Variants in BRF1 observed in about 807,000 individuals in gnomAD.
BRF1 encodes BRF1 general transcription factor IIIB subunit.
Under a neutral mutation model 81.7 loss-of-function variants are expected in BRF1, and 59 were observed. The ratio of observed to expected loss-of-function variants is 0.72; its 90% CI spans 0.59 to 0.90. The LOEUF (loss-of-function observed/expected upper bound fraction) is 0.90. Among genes scored for constraint, BRF1 ranks in the 40% least tolerant of loss-of-function variants. The probability of loss-of-function intolerance (pLI) is 0.00; values close to 1 mark genes in which losing one functional copy is unlikely to be tolerated. For missense variants in BRF1, 1,050 were observed against 936.3 expected (o/e 1.12, Z -1.58); for synonymous variants, 491 against 395.6 (o/e 1.24, Z -2.86).
At chr14:105,312,062 C>T (rs587758794) in intron 1 of BRF1, among the ~76,000 whole-genome samples, 25 of 152,346 alleles carry the variant, frequency 1.6e-4, no homozygotes, top group African/African-American at 5.8e-4. Context: ...GAGGCCCCTC[C>T]CCCACTCCCC....
chr14:105,263,248 A>AT (rs1315920481), intron 3 of BRF1, among the ~76,000 whole-genome samples: 1 of 151,516 alleles, frequency 6.6e-6, no homozygotes, highest in African/African-American at 2.4e-5. Context: ...AAAAAAAAAA[A>AT]AAAAAAAGTA....
In BRF1 at chr14:105,226,379, C is replaced by G. The variant is rs1216058531; in HGVS notation, c.916-89G>C. On this transcript the variant is annotated intron_variant, in intron 8 of 17. Transcript: ENST00000547530. ...GGTGCCGCGTGGGCCCCAGGGACCA[C>G]AGGCTGCTAGAACTTAGGGGTACGC... is the stretch of plus-strand genomic sequence containing the variant. 8 of 1,566,212 alleles carry G rather than the reference C, an allele frequency of 5.1e-6. No homozygotes were observed. The East Asian group carries it at 1.1e-4, about 22-fold the overall frequency.
chr14:105,306,453 G>A (rs979877971), intron 1 of BRF1, among the ~76,000 whole-genome samples: 1 of 152,164 alleles, frequency 6.6e-6, no homozygotes, highest in Non-Finnish European at 1.5e-5. Flanking sequence ...ACAGGTGCAT[G>A]CCACCATGCC....
At chr14:105,215,002 C>T (rs1890852289) in intron 15 of BRF1, among the ~76,000 whole-genome samples, 1 of 152,184 alleles carries the variant, frequency 6.6e-6, no homozygotes, top group Non-Finnish European at 1.5e-5. Flanking sequence ...GCTGCCCAGG[C>T]CTGAGTGGGG....
chr14:105,242,854 G>A (rs200589011), intron 5 of BRF1, among the ~76,000 whole-genome samples: 1 of 151,652 alleles, frequency 6.6e-6, no homozygotes, highest in Non-Finnish European at 1.5e-5. Flanking sequence ...TGCGGCTTAC[G>A]CCTGTAATCC....
intron 3 of BRF1, among the ~76,000 whole-genome samples, chr14:105,257,668 A>G (rs1319688162): frequency 6.6e-6 from 1 of 152,240 alleles, no homozygotes; most frequent in Non-Finnish European, 1.5e-5. Flanking sequence ...AAGAGGCACT[A>G]TGAGAAGACC....
intron 2 of BRF1, among the ~76,000 whole-genome samples, chr14:105,279,536 G>A (rs901758220): frequency 6.6e-5 from 10 of 152,196 alleles, no homozygotes; most frequent in Non-Finnish European, 1.3e-4. Flanking sequence ...GACTACAACT[G>A]GAAAGGCTGA....
rs2056918346 is a variant in BRF1 at position 105,278,085 on chromosome 14, G to A, written c.266-5191C>T. On this transcript the variant is annotated intron_variant, in intron 2 of 17. Coordinates refer to ENST00000547530, the MANE Select transcript of BRF1 (RefSeq NM_001519.4). ...TTATTAATAAACAGATATTCACATA[G>A]AAACCAACTACTAATTAGCTAGCCA... Among the ~76,000 whole-genome samples, 2 of 152,116 alleles carry A rather than the reference G, an allele frequency of 1.3e-5. 1 individual carries two copies. The highest frequency in any genetic ancestry group is 1.3e-4 in the Admixed American group (2 of 15,256).
intron 1 of BRF1, among the ~76,000 whole-genome samples, chr14:105,313,934 C>A (rs1484710658): frequency 1.3e-5 from 2 of 152,260 alleles, no homozygotes; most frequent in Admixed American, 1.3e-4. Context: ...TCCCCAAGTT[C>A]ACTGTTAACC....
At chr14:105,292,960 G>T (rs376992346) in intron 1 of BRF1, among the ~76,000 whole-genome samples, 1 of 152,190 alleles carries the variant, frequency 6.6e-6, no homozygotes, top group Admixed American at 6.5e-5. Context: ...ATTTGGTTAC[G>T]GAAAACAGGA....
chr14:105,247,511 G>A (rs2055200794), intron 5 of BRF1: 2 of 985,280 alleles, frequency 2.0e-6, no homozygotes, highest in Admixed American at 6.1e-5. Context: ...ATCCTGGAGA[G>A]TCCTTTGTTG....
intron 3 of BRF1, among the ~76,000 whole-genome samples, chr14:105,258,870 G>T (rs2056018476): frequency 6.6e-6 from 1 of 151,952 alleles, no homozygotes; most frequent in Admixed American, 6.6e-5. Flanking sequence ...CAATTCAACA[G>T]AAGCTTCATG....
chr14:105,256,252 C>A, intron 4 of BRF1: 1 of 1,542,524 alleles, frequency 6.5e-7, no homozygotes, highest in Non-Finnish European at 8.7e-7. Flanking sequence ...CACTGTTCAC[C>A]CAGGCCTAGC....
At chr14:105,314,754 C>G (rs1420308725) in intron 1 of BRF1, 1 of 152,062 alleles carries the variant, frequency 6.6e-6, no homozygotes, top group Non-Finnish European at 1.4e-5. Flanking sequence ...GGCCGCAGCT[C>G]GTCGCCGCCC....
At chr14:105,247,174 G>A (rs2055178966) in intron 5 of BRF1, 3 of 985,338 alleles carry the variant, frequency 3.0e-6, no homozygotes, top group Admixed American at 6.1e-5. Flanking sequence ...CTGTGGCCTC[G>A]GTGGGTGTGT....
At chr14:105,291,296 G>C (rs1436840958) in intron 1 of BRF1, among the ~76,000 whole-genome samples, 1 of 152,244 alleles carries the variant, frequency 6.6e-6, no homozygotes, top group African/African-American at 2.4e-5. Context: ...TCCATGTCCT[G>C]AAAGACCCAG....
rs762787344 is a variant in BRF1, at chr14:105,286,286, T to C, written c.265+10A>G. 7 of 1,611,400 alleles carry C rather than the reference T, an allele frequency of 4.3e-6. No homozygotes were observed. The highest frequency in any genetic ancestry group is 5.9e-6 in the Non-Finnish European group (7 of 1,179,006). ...GCCGCACGCTCAGCAGCATCCGCGG[T>C]GGGAAATACCATTCTGCAGGGTCTG... On this transcript the variant is annotated intron_variant, in intron 2 of 17. Coordinates refer to ENST00000547530, the MANE Select transcript of BRF1 (RefSeq NM_001519.4).
rs2141558074 is a variant in BRF1 at position 105,226,266 on chromosome 14, G to T, written c.940C>A (p.Leu314Met). 1.9e-6 allele frequency: 3 copies of T among 1,614,044 alleles called. No homozygotes were observed. ...GGTTGGTTACCTTCAACCTCCTCCA[G>T]TTTTTTTGACAGGACTTGTTCAAGC... ...KQLEQVLSKK[L>M]EEVEGEISSY... is the part of the protein sequence containing the mutation. The change falls in exon 9 of 18, where the codon CTG (leucine) becomes ATG (methionine). Residue 314 changes from leucine to methionine, a missense_variant. Physicochemically the swap from Leu to Met is conservative, Grantham distance 15. This residue lies in a region of BRF1 where 1,043 missense variants were observed against 915.4 expected (regional missense o/e 1.14). Transcript: ENST00000547530.
rs1010176371 is a variant in BRF1, at chr14:105,248,616, C to A, written c.544+3891G>T. ...CGGCGCCCCCCGCGGCCGGGCCTGG[C>A]CGGGCTGCGCTAGGCTGGGCTCGGG... On this transcript the variant is annotated intron_variant, in intron 5 of 17. Coordinates refer to ENST00000547530, the MANE Select transcript of BRF1 (RefSeq NM_001519.4). 1.3e-5 allele frequency: 13 copies of A among 976,294 alleles called. No individual in the cohort carries two copies. The East Asian group carries it at 1.0e-3, about 78-fold the overall frequency. 60.5% of individuals were successfully genotyped at this position (976,294 alleles called of 1,614,324 possible). A position where few individuals can be genotyped will look rare whatever the true frequency, so the allele number is the denominator to read the frequency against.
Sources: allele counts gnomAD v4.1 joint callset (sites outside exome capture counted in the v4.1 genomes callset), GRCh38; gene constraint gnomAD v4.1.1; regional missense constraint gnomAD v4.1.1; transcripts MANE v1.5; gene names NCBI Gene and HGNC (gene_info 2026-07-23, HGNC 2026-07-21).